Variants in AIG1 observed in about 807,000 individuals in gnomAD.
AIG1 encodes the protein androgen induced 1.
A neutral mutation model predicts 31.4 loss-of-function variants in AIG1; 23 were observed. The observed-to-expected ratio is 0.73, with a 90% CI of 0.53 to 1.04. The LOEUF (loss-of-function observed/expected upper bound fraction) is 1.04. Among genes scored for constraint, AIG1 ranks in the 50% least tolerant of loss-of-function variants. AIG1 has a pLI of 0.00. For missense variants in AIG1, 274 were observed against 295.0 expected, an observed-to-expected ratio of 0.93 and a Z score of 0.52; for synonymous variants, 100 against 110.5, an observed-to-expected ratio of 0.90 and a Z score of 0.60.
At chr6:143,233,590 A>AC (rs1011517578) in intron 3 of AIG1, among the ~76,000 whole-genome samples, 7 of 148,298 alleles carry the variant, frequency 4.7e-5, no homozygotes, top group African/African-American at 1.7e-4. Flanking sequence ...AAAAAAAAAA[A>AC]AGAAAAGAAA....
chr6:143,190,383 C>T, intron 3 of AIG1: 3 of 985,218 alleles, frequency 3.0e-6, no homozygotes, highest in Non-Finnish European at 3.6e-6. Context: ...GTGCTCAGCA[C>T]TGGCTTTCTT....
At chr6:143,300,973 T>C (rs1393203570) in intron 4 of AIG1, among the ~76,000 whole-genome samples, 1 of 152,206 alleles carries the variant, frequency 6.6e-6, no homozygotes, top group Admixed American at 6.5e-5. Context: ...TATTTCTTTT[T>C]TTTGAGACGG....
intron 3 of AIG1, among the ~76,000 whole-genome samples, chr6:143,273,717 G>GA (rs1444786469): frequency 6.6e-6 from 1 of 152,130 alleles, no homozygotes; most frequent in East Asian, 1.9e-4. Flanking sequence ...AGCAAAAGGG[G>GA]AAACCCCTTA....
intron 1 of AIG1, among the ~76,000 whole-genome samples, chr6:143,112,337 C>A (rs576533749): frequency 1.3e-5 from 2 of 152,276 alleles, no homozygotes; most frequent in South Asian, 2.1e-4. Context: ...CTAGGGGGAA[C>A]CTTTTCTCAT....
rs557977687 is a variant in AIG1, at chr6:143,099,316, A to C, written c.142-37519A>C. ...TGAGTTTCTAACTAACAATGTAGAT[A>C]CTCTGTCTGCATTAGCCAAACTTGC... On this transcript the variant is annotated intron_variant, in intron 1 of 5. Coordinates refer to ENST00000357847, the MANE Select transcript of AIG1 (RefSeq NM_016108.4). Among the ~76,000 whole-genome samples, 7 of 152,332 alleles carry C rather than the reference A, an allele frequency of 4.6e-5. No individual in the cohort carries two copies. In the East Asian group the frequency reaches 1.3e-3, roughly 29 times the overall value.
chr6:143,206,770 C>T (rs919630777), intron 3 of AIG1, among the ~76,000 whole-genome samples: 7 of 152,096 alleles, frequency 4.6e-5, no homozygotes, highest in South Asian at 2.1e-4. Flanking sequence ...CAATAATTTA[C>T]GGCAATAATT....
At chr6:143,092,792 G>A (rs1331493501) in intron 1 of AIG1, among the ~76,000 whole-genome samples, 2 of 152,174 alleles carry the variant, frequency 1.3e-5, no homozygotes, top group African/African-American at 4.8e-5. Context: ...GCTTGTGGCT[G>A]TAATCCCAGC....
At chr6:143,174,655 G>A (rs1787964950) in intron 3 of AIG1, among the ~76,000 whole-genome samples, 1 of 151,942 alleles carries the variant, frequency 6.6e-6, no homozygotes, top group African/African-American at 2.4e-5. Flanking sequence ...TATCCATTCT[G>A]CCATTTTGTG....
rs368485193 is a variant in AIG1 at position 143,097,949 on chromosome 6, G to A, written c.141+36883G>A. ...GGAATCTATAACCTCATACCTACTC[G>A]AGCATTTTATTACTCAGAGTATCTC... On this transcript the variant is annotated intron_variant, in intron 1 of 5. Coordinates refer to ENST00000357847, the MANE Select transcript of AIG1 (RefSeq NM_016108.4). Among the ~76,000 whole-genome samples the A allele has an allele frequency of 1.6e-4, 24 of 152,152 alleles. No individual in the cohort carries two copies. In the East Asian group the frequency reaches 3.7e-3, roughly 23 times the overall value.
chr6:143,133,919 C>CT (rs1424337347), intron 1 of AIG1, among the ~76,000 whole-genome samples: 1 of 152,056 alleles, frequency 6.6e-6, no homozygotes, highest in African/African-American at 2.4e-5. Flanking sequence ...ATTCTACTTC[C>CT]TCTGCCTATA....
intron 3 of AIG1, among the ~76,000 whole-genome samples, chr6:143,193,629 C>T (rs1789974719): frequency 1.3e-5 from 2 of 152,214 alleles, no homozygotes. Context: ...AAGTTGATGG[C>T]TCTGGCTTTA....
At chr6:143,274,717 T>A (rs988124168) in intron 3 of AIG1, among the ~76,000 whole-genome samples, 1 of 152,214 alleles carries the variant, frequency 6.6e-6, no homozygotes. Context: ...GGAAGCAGTG[T>A]GTGTCAGTAA....
chr6:143,185,377 C>T (rs1352895836), intron 3 of AIG1, among the ~76,000 whole-genome samples: 2 of 152,048 alleles, frequency 1.3e-5, no homozygotes, highest in African/African-American at 4.8e-5. Context: ...TCAGCATCCT[C>T]CCTGCCCCCT....
chr6:143,171,528 AAT>A (rs1298084001), intron 3 of AIG1, among the ~76,000 whole-genome samples: 14 of 130,154 alleles, frequency 1.1e-4, no homozygotes, highest in Non-Finnish European at 1.7e-4. Context: ...ATATATATTT[AAT>A]ATATATATTA....
chr6:143,190,113 C>G, intron 3 of AIG1: 1 of 931,618 alleles, frequency 1.1e-6, no homozygotes, highest in African/African-American at 1.8e-5. Flanking sequence ...GGGCCATCTC[C>G]TAATGCTATA....
chr6:143,287,737 T>TAAA (rs59551903), intron 4 of AIG1, among the ~76,000 whole-genome samples: 9,229 of 77,802 alleles, frequency 0.12, 810 homozygotes, highest in East Asian at 0.21. Flanking sequence ...CTGACTACAG[T>TAAA]AAAAAAAAAA....
chr6:143,118,648 G>A (rs1246132712), intron 1 of AIG1, among the ~76,000 whole-genome samples: 3 of 152,020 alleles, frequency 2.0e-5, no homozygotes, highest in Admixed American at 6.6e-5. Context: ...ACTTTTCCAC[G>A]TCTCCTGTAT....
At position 143,125,730 on chromosome 6, in the gene AIG1, GGTT is replaced by G. The variant is rs1241240703; in HGVS notation, c.142-11098_142-11096del. Among the ~76,000 whole-genome samples, 6 of 152,160 alleles carry G rather than the reference GGTT, an allele frequency of 3.9e-5. No individual in the cohort carries two copies. The East Asian group carries it at 9.6e-4, about 24-fold the overall frequency. On this transcript the variant is annotated intron_variant, in intron 1 of 5. Transcript: ENST00000357847. The stretch of plus-strand genomic sequence containing the variant: ...GAATATCCAAATGCCTTCTTTAGAC[GGTT>G]GTTGTTCTTGCTACTTATATATTAA...
intron 3 of AIG1, among the ~76,000 whole-genome samples, chr6:143,252,071 G>A (rs1795048074): frequency 1.3e-5 from 2 of 152,082 alleles, no homozygotes; most frequent in Non-Finnish European, 2.9e-5. Flanking sequence ...CAGACTTGAG[G>A]GTGGTCTTAC....
Sources: gnomAD v4.1 joint callset for allele counts (sites outside exome capture counted in the v4.1 genomes callset) on GRCh38, gnomAD v4.1.1 for gene constraint, MANE v1.5 for transcripts, NCBI Gene and HGNC (gene_info 2026-07-23, HGNC 2026-07-21) for gene names.